The following ZBBX variants were observed in gnomAD, a reference collection of about 807,000 sequenced individuals.
ZBBX encodes the protein zinc finger B-box domain containing.
In ZBBX, 101 loss-of-function variants were observed where a neutral mutation model predicts 108.5. The ratio of observed to expected loss-of-function variants is 0.93; its 90% CI spans 0.79 to 1.10. ZBBX has a LOEUF of 1.10. ZBBX is among the 50% of genes least tolerant of loss of function. ZBBX has a pLI of 0.00. For missense variants in ZBBX, 1,009 were observed against 941.4 expected, an observed-to-expected ratio of 1.07 and a Z score of -0.94; for synonymous variants, 356 against 323.4, an observed-to-expected ratio of 1.10 and a Z score of -1.08.
chr3:167,377,059 T>C (rs1425987598), intron 2 of ZBBX, among the ~76,000 whole-genome samples: 1 of 152,222 alleles, frequency 6.6e-6, no homozygotes, highest in Non-Finnish European at 1.5e-5. Context: ...AAAAATTTAG[T>C]AGTGATTTGG....
chr3:167,215,672 A>C, the ZBBX span, among the ~76,000 whole-genome samples: 1 of 152,112 alleles, frequency 6.6e-6, no homozygotes, highest in African/African-American at 2.4e-5. Context: ...CAGAGACCCA[A>C]GACAAAAAGA....
chr3:167,311,329 T>A (rs959108148), intron 16 of ZBBX, among the ~76,000 whole-genome samples: 4 of 151,996 alleles, frequency 2.6e-5, no homozygotes, highest in African/African-American at 9.7e-5. Flanking sequence ...CACCTGAATA[T>A]AAAATGCAAA....
intron 12 of ZBBX, among the ~76,000 whole-genome samples, chr3:167,320,662 A>G (rs938991755): frequency 1.3e-5 from 2 of 152,080 alleles, no homozygotes; most frequent in African/African-American, 4.8e-5. Flanking sequence ...TTTACAGTGG[A>G]GAAACTTAGC....
chr3:167,200,933 T>C, the ZBBX span, among the ~76,000 whole-genome samples: 4 of 152,102 alleles, frequency 2.6e-5, no homozygotes, highest in Non-Finnish European at 4.4e-5. Flanking sequence ...ATGGATAAGA[T>C]GGAAATATGA....
intron 16 of ZBBX, 131 bp from the exon 17 acceptor site, chr3:167,306,081 T>A (rs1176273134): frequency 3.1e-6 from 2 of 644,038 alleles, no homozygotes; most frequent in African/African-American, 1.9e-5. Context: ...CCTTTACTGA[T>A]GTTTTAGTGT....
At chr3:167,254,420 A>G (rs929105208) in intron 20 of ZBBX, among the ~76,000 whole-genome samples, 2 of 152,190 alleles carry the variant, frequency 1.3e-5, no homozygotes, top group Non-Finnish European at 2.9e-5. Context: ...ATAGAAAACT[A>G]CCAAAAAATG....
the ZBBX span, among the ~76,000 whole-genome samples, chr3:167,190,851 AC>A: frequency 6.6e-6 from 1 of 152,154 alleles, no homozygotes; most frequent in African/African-American, 2.4e-5. Flanking sequence ...TTTGAGGTGA[AC>A]TTAGGAATAT....
intron 12 of ZBBX, among the ~76,000 whole-genome samples, chr3:167,319,109 C>T (rs1735956796): frequency 1.3e-5 from 2 of 151,830 alleles, no homozygotes; most frequent in Admixed American, 6.6e-5. Context: ...CAGGTATTTA[C>T]CCAGGGAATT....
chr3:167,295,267 C>A (rs1215437251), intron 18 of ZBBX, among the ~76,000 whole-genome samples: 3 of 151,994 alleles, frequency 2.0e-5, no homozygotes, highest in Non-Finnish European at 4.4e-5. Context: ...GCACTGTTCA[C>A]AATAGCAGAC....
chr3:167,360,967 C>T (rs1199416158), intron 6 of ZBBX, among the ~76,000 whole-genome samples: 1 of 151,668 alleles, frequency 6.6e-6, no homozygotes, highest in Admixed American at 6.6e-5. Flanking sequence ...TTTTTGAAAA[C>T]ATAATTTGGC....
Position 167,325,048 on chromosome 3 carries a change from G to C in ZBBX, c.863-2811C>G, listed in dbSNP as rs576857017. The stretch of plus-strand genomic sequence containing the variant: ...AAACACTAAGATCCAAATCCTGTGC[G>C]AGTACATCTACATTGATAAAAACAA... On this transcript the variant is annotated intron_variant, in intron 11 of 21. Transcript: ENST00000675490. 5.9e-5 allele frequency among the ~76,000 whole-genome samples: 9 copies of C among 152,188 alleles called. No individual in the cohort carries two copies. The South Asian group carries it at 1.9e-3, about 32-fold the overall frequency.
intron 20 of ZBBX, among the ~76,000 whole-genome samples, chr3:167,259,065 A>G (rs1216368430): frequency 6.6e-6 from 1 of 151,962 alleles, no homozygotes; most frequent in Non-Finnish European, 1.5e-5. Context: ...TCTTCTTCAA[A>G]TGTCTGGTAG....
At chr3:167,217,792 C>T in the ZBBX span, among the ~76,000 whole-genome samples, 10 of 151,946 alleles carry the variant, frequency 6.6e-5, no homozygotes, top group Admixed American at 2.6e-4. Flanking sequence ...ATAAAAAGAA[C>T]GAGATCATGT....
At chr3:167,195,830 C>A in the ZBBX span, among the ~76,000 whole-genome samples, 1 of 152,174 alleles carries the variant, frequency 6.6e-6, no homozygotes, top group African/African-American at 2.4e-5. Context: ...AAAACTGTCA[C>A]AAGAGTTTAC....
At chr3:167,204,646 G>A in the ZBBX span, among the ~76,000 whole-genome samples, 1 of 149,160 alleles carries the variant, frequency 6.7e-6, no homozygotes, top group Non-Finnish European at 1.5e-5. Context: ...TATCATTGTT[G>A]GACATTTGGG....
intron 1 of ZBBX, among the ~76,000 whole-genome samples, chr3:167,388,519 A>G (rs1205375531): frequency 6.6e-6 from 1 of 151,978 alleles, no homozygotes; most frequent in Non-Finnish European, 1.5e-5. Context: ...AGAAAAGACA[A>G]TCACTAAGTT....
intron 10 of ZBBX, chr3:167,331,520 A>C: frequency 5.2e-6 from 5 of 968,244 alleles, no homozygotes; most frequent in Non-Finnish European, 6.1e-6. Flanking sequence ...GCAATGAATC[A>C]GAGATGTCAG....
chr3:167,274,063 G>A lies in ZBBX; in HGVS notation c.2254+8175C>T, dbSNP rs190400646. Among the ~76,000 whole-genome samples the A allele has an allele frequency of 2.8e-3, 419 of 152,296 alleles. 2 individuals carry two copies. Among genetic ancestry groups the A allele is most frequent in the African/African-American group, 9.8e-3 (406 of 41,564 alleles). On this transcript the variant is annotated intron_variant, in intron 20 of 21. Coordinates refer to ENST00000675490, the MANE Select transcript of ZBBX (RefSeq NM_001199201.2). ...AAAACAGAATGGCCCTAGACATGAC[G>A]TTAGCTGAAAAAGGTGGAGTTTGTA...
the ZBBX span, among the ~76,000 whole-genome samples, chr3:167,213,264 GC>G: frequency 1.3e-5 from 2 of 152,142 alleles, no homozygotes; most frequent in Admixed American, 6.5e-5. Flanking sequence ...CAGGAAGATG[GC>G]AAAACCCAAT....
Sources: gnomAD v4.1 joint callset for allele counts (sites outside exome capture counted in the v4.1 genomes callset) on GRCh38, gnomAD v4.1.1 for gene constraint, MANE v1.5 for transcripts, NCBI Gene and HGNC (gene_info 2026-07-23, HGNC 2026-07-21) for gene names.